DLG2: variants seen among roughly 807,000 people sequenced by gnomAD.
The protein encoded by DLG2 is disks large homolog 2.
DLG2 carries 45 observed loss-of-function variants against 132.5 expected under a neutral mutation model. The ratio of observed to expected loss-of-function variants is 0.34; its 90% CI spans 0.27 to 0.44. The LOEUF is 0.44. Among genes scored for constraint, DLG2 ranks in the 20% least tolerant of loss-of-function variants. The pLI is 1.00. For missense variants in DLG2, 1,045 were observed against 1,196.9 expected, an observed-to-expected ratio of 0.87 and a Z score of 1.87; for synonymous variants, 424 against 419.6, an observed-to-expected ratio of 1.01 and a Z score of -0.13.
In DLG2 at chr11:83,980,532, A is replaced by G; in HGVS notation, c.1030T>C (p.Leu344=). Residue 344 remains leucine (L), a synonymous_variant, in exon 12 of 28, where the codon TTG becomes CTG. Coordinates refer to ENST00000376104, the MANE Select transcript of DLG2 (RefSeq NM_001142699.3). ...DGGAAQKDGR[L]QVGDRLLMVN... is the part of the protein sequence containing the mutation. ...ATTAGTAGTCTATCTCCTACTTGCA[A>G]CCTTCCATCTTTTTGTGCAGCTCCT... The G allele has an allele frequency of 6.2e-7, 1 of 1,613,694 alleles. No individual in the cohort carries two copies. The highest frequency in any genetic ancestry group is 1.1e-5 in the South Asian group (1 of 91,038).
chr11:84,342,130 G>A (rs2098517925), intron 7 of DLG2, among the ~76,000 whole-genome samples: 1 of 151,922 alleles, frequency 6.6e-6, no homozygotes, highest in African/African-American at 2.4e-5. Context: ...GTTTGTGATG[G>A]GTCATCTGGC....
intron 4 of DLG2, among the ~76,000 whole-genome samples, chr11:85,204,684 A>C (rs914591221): frequency 2.0e-5 from 3 of 151,966 alleles, no homozygotes; most frequent in Admixed American, 6.6e-5. Context: ...GAAAAAAAAA[A>C]CTCCTAAAAT....
intron 6 of DLG2, among the ~76,000 whole-genome samples, chr11:84,682,392 A>C (rs2099733391): frequency 6.6e-6 from 1 of 152,212 alleles, no homozygotes; most frequent in Non-Finnish European, 1.5e-5. Context: ...AAGAGCTTTG[A>C]AACACTACCA....
At chr11:84,072,841 T>C (rs1373548363) in intron 10 of DLG2, among the ~76,000 whole-genome samples, 1 of 152,218 alleles carries the variant, frequency 6.6e-6, no homozygotes, top group Non-Finnish European at 1.5e-5. Context: ...TAGAGGCTGC[T>C]ATATAACCCT....
chr11:83,948,614 G>GAAAA (rs3040355), intron 14 of DLG2, among the ~76,000 whole-genome samples: 1 of 148,174 alleles, frequency 6.7e-6, no homozygotes, highest in Non-Finnish European at 1.5e-5. Context: ...TGTAGTACTG[G>GAAAA]AAAAAAAAAA....
At chr11:83,712,159 G>A (rs1198094925) in intron 18 of DLG2, among the ~76,000 whole-genome samples, 1 of 152,094 alleles carries the variant, frequency 6.6e-6, no homozygotes, top group East Asian at 1.9e-4. Flanking sequence ...CTATTATTGG[G>A]TATACACCTA....
chr11:84,182,826 C>G (rs534346680), intron 8 of DLG2, among the ~76,000 whole-genome samples: 1 of 151,758 alleles, frequency 6.6e-6, no homozygotes, highest in South Asian at 2.1e-4. Flanking sequence ...TTGAAAAGAT[C>G]AGTAAAATTG....
At chr11:85,169,341 C>T (rs1275615007) in intron 4 of DLG2, among the ~76,000 whole-genome samples, 1 of 152,016 alleles carries the variant, frequency 6.6e-6, no homozygotes, top group Non-Finnish European at 1.5e-5. Context: ...AAATTTTCCG[C>T]TCCCTCTCTG....
At chr11:83,932,395 C>T (rs948775107) in intron 14 of DLG2, among the ~76,000 whole-genome samples, 5 of 148,564 alleles carry the variant, frequency 3.4e-5, no homozygotes, top group Non-Finnish European at 7.4e-5. Context: ...CCACCACGCC[C>T]GGCTAATTTT....
intron 21 of DLG2, among the ~76,000 whole-genome samples, chr11:83,485,897 A>G (rs753024444): frequency 9.9e-5 from 15 of 152,162 alleles, no homozygotes; most frequent in Non-Finnish European, 1.2e-4. Flanking sequence ...AACTTTCAGC[A>G]AAGTAGTAGA....
At chr11:84,361,935 A>G (rs1326275027) in intron 7 of DLG2, among the ~76,000 whole-genome samples, 4 of 152,000 alleles carry the variant, frequency 2.6e-5, no homozygotes, top group African/African-American at 7.2e-5. Context: ...TTGATCTAAA[A>G]TGGAATCACA....
intron 3 of DLG2, among the ~76,000 whole-genome samples, chr11:85,482,825 T>C (rs286499): frequency 6.6e-6 from 1 of 152,062 alleles, no homozygotes; most frequent in Non-Finnish European, 1.5e-5. Flanking sequence ...AGCAGACCCA[T>C]GGTCCACCCC....
intron 4 of DLG2, among the ~76,000 whole-genome samples, chr11:85,202,015 AAC>A (rs1316648725): frequency 1.3e-5 from 2 of 152,140 alleles, no homozygotes; most frequent in African/African-American, 2.4e-5. Context: ...AACTATTTAA[AAC>A]ACAGAGGAAA....
At chr11:83,595,358 G>C (rs1322704320) in intron 19 of DLG2, among the ~76,000 whole-genome samples, 1 of 152,186 alleles carries the variant, frequency 6.6e-6, no homozygotes, top group Non-Finnish European at 1.5e-5. Flanking sequence ...TTTTGCAGTT[G>C]AGGAAACTGA....
At position 84,540,409 on chromosome 11, in the gene DLG2, A is replaced by C. The variant is rs572489770; in HGVS notation, c.358-5678T>G. Among the ~76,000 whole-genome samples the C allele has an allele frequency of 4.1e-3, 631 of 152,246 alleles. 1 individual carries two copies. The highest frequency in any genetic ancestry group is 6.8e-3 in the Non-Finnish European group (460 of 68,016). On this transcript the variant is annotated intron_variant, in intron 6 of 27. Coordinates refer to ENST00000376104, the MANE Select transcript of DLG2 (RefSeq NM_001142699.3). ...ATATGAACAGACACTTCTCAAAAGAAGACATTTATGCAGCCAACAGACACA... is the reference window on the plus strand; with the variant it reads ...ATATGAACAGACACTTCTCAAAAGACGACATTTATGCAGCCAACAGACACA...
At chr11:85,191,133 T>A (rs944741184) in intron 4 of DLG2, among the ~76,000 whole-genome samples, 13 of 151,168 alleles carry the variant, frequency 8.6e-5, no homozygotes, top group Non-Finnish European at 1.9e-4. Context: ...AAATCATTTG[T>A]CTATATGCAT....
chr11:84,590,291 C>G lies in DLG2; in HGVS notation c.358-55560G>C, dbSNP rs562854384. On this transcript the variant is annotated intron_variant, in intron 6 of 27. Coordinates refer to ENST00000376104, the MANE Select transcript of DLG2 (RefSeq NM_001142699.3). ...CACAATTATTGCTGCTCAGCAAGCC[C>G]CAAGAGATCCCATTCTTCTCCAAAG... Among the ~76,000 whole-genome samples, 35 of 152,278 alleles carry G rather than the reference C, an allele frequency of 2.3e-4. 1 individual carries two copies. Among genetic ancestry groups the G allele is most frequent in the African/African-American group, 7.0e-4 (29 of 41,556 alleles).
intron 6 of DLG2, among the ~76,000 whole-genome samples, chr11:84,682,287 C>A (rs868297670): frequency 6.6e-6 from 1 of 152,160 alleles, no homozygotes; most frequent in Non-Finnish European, 1.5e-5. Context: ...AACTCAGTGA[C>A]CCTCTTTGAA....
intron 3 of DLG2, among the ~76,000 whole-genome samples, chr11:85,515,775 G>T (rs552628584): frequency 9.2e-5 from 14 of 152,016 alleles, no homozygotes; most frequent in African/African-American, 3.1e-4. Context: ...AATTTGTGAG[G>T]TTTTATGAAT....
Sources: gnomAD v4.1 joint callset for allele counts (sites outside exome capture counted in the v4.1 genomes callset) on GRCh38, gnomAD v4.1.1 for gene constraint, MANE v1.5 for transcripts, NCBI Gene and HGNC (gene_info 2026-07-23, HGNC 2026-07-21) for gene names.